Variants in ERBB3 observed in about 807,000 individuals in gnomAD.
ERBB3 encodes the protein erb-b2 receptor tyrosine kinase 3, also known as receptor tyrosine-protein kinase erbB-3.
In ERBB3, 96 loss-of-function variants were observed where a neutral mutation model predicts 156.7. The observed-to-expected ratio is 0.61, with a 90% confidence interval of 0.52 to 0.73. The LOEUF (loss-of-function observed/expected upper bound fraction) is 0.73. Ranked by LOEUF, ERBB3 falls within the 30% of genes least tolerant of loss-of-function variation. ERBB3 has a pLI of 0.00. For missense variants in ERBB3, 1,406 were observed against 1,709.4 expected (o/e 0.82, Z 3.13); for synonymous variants, 567 against 632.0 (o/e 0.90, Z 1.54).
Position 56,102,981 on chromosome 12 carries a change from G to C in ERBB3, c.*926G>C. 4.4e-6 allele frequency: 1 copy of C among 225,396 alleles called. No individual in the cohort carries two copies. 14.0% of individuals were successfully genotyped at this position (225,396 alleles called of 1,614,324 possible). A position where few individuals can be genotyped will look rare whatever the true frequency, so the allele number is the denominator to read the frequency against. ...GTCTCTACAGGGGAAAAAAAAAAAA[G>C]AAACTGAGCCTTAAAGAGATGAAAT... On this transcript the variant is annotated 3_prime_UTR_variant, in exon 28 of 28. Coordinates refer to ENST00000267101, the MANE Select transcript of ERBB3 (RefSeq NM_001982.4).
At chr12:56,100,847 G>T (rs1217470393) in intron 26 of ERBB3, among the ~76,000 whole-genome samples, 3 of 146,348 alleles carry the variant, frequency 2.0e-5, no homozygotes, top group African/African-American at 7.5e-5. Context: ...GGCTGAGGCA[G>T]GAGAATCACT....
rs1868770700 is a variant in ERBB3 at position 56,093,085 on chromosome 12, AG to A, written c.1274+12del. On this transcript the variant is annotated intron_variant, in intron 11 of 27. Transcript: ENST00000267101. Reference sequence around the variant, plus strand: ...GGCAGAAGCCTCTACAAGTGAGTAAAGGGTATGGAGGAAATGGCATCTTCAG... The same window carrying A: ...GGCAGAAGCCTCTACAAGTGAGTAAAGGTATGGAGGAAATGGCATCTTCAG... 1.9e-6 allele frequency: 3 copies of A among 1,590,326 alleles called. No individual in the cohort carries two copies. Among genetic ancestry groups the A allele is most frequent in the Non-Finnish European group, 2.6e-6 (3 of 1,158,294 alleles).
Position 56,102,110 on chromosome 12 carries a change from G to T in ERBB3, c.*55G>T. ...TTTAATGGCAGCTAGTGCCTTTAGA[G>T]GGTACCGTCTTCTCCCTATTCCCTC... On this transcript the variant is annotated 3_prime_UTR_variant, in exon 28 of 28. Coordinates refer to ENST00000267101, the MANE Select transcript of ERBB3 (RefSeq NM_001982.4). 6.7e-7 allele frequency: 1 copy of T among 1,499,066 alleles called. No individual in the cohort carries two copies. The highest frequency in any genetic ancestry group is 1.1e-5 in the South Asian group (1 of 88,852). 92.9% of individuals were successfully genotyped at this position (1,499,066 alleles called of 1,614,324 possible).
chr12:56,083,615 G>A (rs1868385041), intron 1 of ERBB3, 136 bp from the exon 2 acceptor site: 13 of 912,230 alleles, frequency 1.4e-5, no homozygotes, highest in Admixed American at 1.2e-4. Flanking sequence ...GCTTGTGGGA[G>A]GGTTGGAGGC....
chr12:56,088,467 C>A, intron 7 of ERBB3, 76 bp from the exon 8 acceptor site: 1 of 1,178,806 alleles, frequency 8.5e-7, no homozygotes, highest in Non-Finnish European at 1.3e-6. Flanking sequence ...GGAGCCTAGG[C>A]CCAGAGCAAG....
intron 23 of ERBB3, 38 bp downstream of exon 23, chr12:56,098,943 TTC>T (rs750272011): frequency 6.5e-7 from 1 of 1,543,910 alleles, no homozygotes; most frequent in South Asian, 1.2e-5. Context: ...TTCTCTTTTT[TTC>T]TTTTTTTTTC....
At position 56,099,693 on chromosome 12, in the gene ERBB3, C is replaced by G; in HGVS notation, c.2885C>G (p.Ala962Gly). ...ATTCGCCCAACCTTTAAAGAACTAG[C>G]CAATGAGTTCACCAGGATGGCCCGA... ...ENIRPTFKEL[A>G]NEFTRMARDP... The change falls in exon 24 of 28, where the codon GCC becomes GGC. Residue 962 changes from alanine (A) to glycine (G), a missense_variant. By Grantham distance (60) the Ala-to-Gly change is moderately conservative. This residue lies in a region of ERBB3 where 979 missense variants were observed against 1,219.6 expected (regional missense o/e 0.80). Coordinates refer to ENST00000267101, the MANE Select transcript of ERBB3 (RefSeq NM_001982.4). 1 of 1,614,144 alleles carries G rather than the reference C, an allele frequency of 6.2e-7. No homozygotes were observed. Among genetic ancestry groups the G allele is most frequent in the Non-Finnish European group, 8.5e-7 (1 of 1,180,014 alleles).
At chr12:56,083,947 T>C (rs1159049799) in intron 2 of ERBB3, 45 bp downstream of exon 2, 1 of 1,589,146 alleles carries the variant, frequency 6.3e-7, no homozygotes, top group East Asian at 2.2e-5. Flanking sequence ...CTCTTTATTC[T>C]CCCCTAGAAC....
At chr12:56,098,447 C>T in intron 21 of ERBB3, 53 bp from the exon 22 acceptor site, 1 of 1,336,370 alleles carries the variant, frequency 7.5e-7, no homozygotes, top group Non-Finnish European at 1.1e-6. Context: ...ACTTGGAAAT[C>T]CTAAGAAAAT....
rs746806935 is a variant in ERBB3 at position 56,093,512 on chromosome 12, G to C, written c.1442G>C (p.Arg481Pro). Residue 481 changes from arginine (R) to proline (P), a missense_variant, in exon 12 of 28, where the codon CGA becomes CCA. By Grantham distance (103) the Arg-to-Pro change is moderately radical (BLOSUM62 -2). Coordinates refer to ENST00000267101, the MANE Select transcript of ERBB3 (RefSeq NM_001982.4). ...GTGCTTCGGGGGCCTACGGAAGAGC[G>C]ACTAGACATCAAGCATAATCGGCCG... is the stretch of plus-strand genomic sequence containing the variant. Reference protein sequence around the residue: ...TKVLRGPTEERLDIKHNRPRR... With the variant: ...TKVLRGPTEEPLDIKHNRPRR... The C allele has an allele frequency of 1.9e-6, 3 of 1,613,386 alleles. No homozygotes were observed. The highest frequency in any genetic ancestry group is 2.7e-5 in the African/African-American group (2 of 74,822).
At chr12:56,086,720 A>G in intron 4 of ERBB3, 64 bp downstream of exon 4, 7 of 1,603,534 alleles carry the variant, frequency 4.4e-6, no homozygotes, top group Non-Finnish European at 6.0e-6. Flanking sequence ...CCTTCTTTCC[A>G]TCATCCTTAC....
In ERBB3 at chr12:56,093,834, C is replaced by T. The variant is rs140670767; in HGVS notation, c.1551C>T (p.Cys517=). Reference sequence around the variant, plus strand: ...GCTGGGGCCCAGGCCCTGGTCAGTGCTTGTCCTGTCGAAATTATAGCCGAG... The same window carrying T: ...GCTGGGGCCCAGGCCCTGGTCAGTGTTTGTCCTGTCGAAATTATAGCCGAG... The part of the protein sequence containing the change: ...GGCWGPGPGQ[C]LSCRNYSRGG... Residue 517 remains cysteine, a synonymous_variant, in exon 13 of 28, where the codon TGC becomes TGT. Coordinates refer to ENST00000267101, the MANE Select transcript of ERBB3 (RefSeq NM_001982.4). 445 of 1,613,766 alleles carry T rather than the reference C, an allele frequency of 2.8e-4. 1 individual carries two copies. Among genetic ancestry groups the T allele is most frequent in the Non-Finnish European group, 3.2e-4 (375 of 1,179,974 alleles).
rs1329259555 is a variant in ERBB3 at position 56,092,720 on chromosome 12, T to C, written c.1110-27T>C. 8 of 1,560,396 alleles carry C rather than the reference T, an allele frequency of 5.1e-6. No individual in the cohort carries two copies. In the East Asian group the frequency reaches 9.0e-5, roughly 17 times the overall value. ...GCCATTGAGTTATACCTTTACCTTATTGACTGGTTTCTACTGTTCTATTCA... is the reference window on the plus strand; with the variant it reads ...GCCATTGAGTTATACCTTTACCTTACTGACTGGTTTCTACTGTTCTATTCA... On this transcript the variant is annotated intron_variant, in intron 9 of 27. Transcript: ENST00000267101.
intron 23 of ERBB3, among the ~76,000 whole-genome samples, chr12:56,099,368 G>C (rs1486133851): frequency 3.3e-5 from 5 of 151,664 alleles, no homozygotes; most frequent in South Asian, 2.1e-4. Context: ...CGTGACCTTG[G>C]CTCACCGTGA....
intron 13 of ERBB3, 24 bp from the exon 14 acceptor site, chr12:56,094,075 C>A (rs377036506): frequency 3.3e-5 from 53 of 1,595,576 alleles, no homozygotes; most frequent in Non-Finnish European, 4.4e-5. Flanking sequence ...AGTGACCCCC[C>A]CCTCCCTTTA....
chr12:56,088,421 G>C (rs1235076917), intron 7 of ERBB3, 122 bp from the exon 8 acceptor site: 1 of 894,402 alleles, frequency 1.1e-6, no homozygotes, highest in Non-Finnish European at 1.9e-6. Flanking sequence ...GGGATCTAGG[G>C]TGGCAGATGG....
intron 2 of ERBB3, 50 bp from the exon 3 acceptor site, chr12:56,084,945 A>T: frequency 6.2e-7 from 1 of 1,612,968 alleles, no homozygotes; most frequent in Non-Finnish European, 8.5e-7. Context: ...GGAGATTGAG[A>T]TTATTTTGCC....
intron 1 of ERBB3, among the ~76,000 whole-genome samples, chr12:56,082,068 A>G (rs1053988076): frequency 6.6e-6 from 1 of 152,084 alleles, no homozygotes; most frequent in Admixed American, 6.6e-5. Context: ...GAACTGGGCT[A>G]CCTCTAACAC....
chr12:56,088,489 T>A (rs1480937290), intron 7 of ERBB3, 54 bp from the exon 8 acceptor site: 20 of 1,335,218 alleles, frequency 1.5e-5, no homozygotes, highest in Non-Finnish European at 8.6e-6. Flanking sequence ...GTTCCATTGG[T>A]AGCTGGTGAT....
Sources: gnomAD v4.1 joint callset for allele counts (sites outside exome capture counted in the v4.1 genomes callset) on GRCh38, gnomAD v4.1.1 for gene constraint, gnomAD v4.1.1 regional missense constraint, MANE v1.5 for transcripts, NCBI Gene and HGNC (gene_info 2026-07-23, HGNC 2026-07-21) for gene names.